The following ZNF737 variants were observed in gnomAD, a reference collection of about 807,000 sequenced individuals.
ZNF737 encodes the protein zinc finger protein 737.
Under a neutral mutation model 11.7 loss-of-function variants are expected in ZNF737, and 13 were observed. That is an observed-to-expected ratio of 1.11 (90% CI 0.73 to 1.77). The LOEUF (loss-of-function observed/expected upper bound fraction) is 1.77, where lower values mean the gene tolerates loss of function less well. Ranked by LOEUF, ZNF737 falls within the 40% of genes most tolerant of loss-of-function variation. The pLI is 0.00. For synonymous variants in ZNF737, 217 were observed against 216.2 expected (o/e 1.00, Z -0.03); for missense variants, 636 against 638.0 (o/e 1.00, Z 0.03).
At position 20,544,659 on chromosome 19, in the gene ZNF737, C is replaced by T. The variant is rs1555755921; in HGVS notation, c.1544G>A (p.Gly515Asp). 1 of 1,609,440 alleles carries T rather than the reference C, an allele frequency of 6.2e-7. No individual in the cohort carries two copies. Among genetic ancestry groups the T allele is most frequent in the Non-Finnish European group, 8.5e-7 (1 of 1,177,982 alleles). Residue 515 changes from glycine (G) to aspartate (D), a missense_variant, in exon 4 of 4, where the codon GGC becomes GAC. Physicochemically the swap from Gly to Asp is moderately conservative, Grantham distance 94. Coordinates refer to ENST00000427401, the MANE Select transcript of ZNF737 (RefSeq NM_001159293.2). ...GGTAGAGGGGCACTTAAAGCCTTTGCCACATTCTTCACATTTGTAGGGTTT... is the reference window on the plus strand; with the variant it reads ...GGTAGAGGGGCACTTAAAGCCTTTGTCACATTCTTCACATTTGTAGGGTTT... ...GEKPYKCEEC[G>D]KGFKCPSTLT...
chr19:20,548,969 A>AAAAAC lies in ZNF737; in HGVS notation c.227-2994_227-2993insGTTTT, dbSNP rs1368291334. ...TTTTTTTAAAGAAAAACTGAAAAAA[A>AAAAAC]AAAAAAAAAAACAATTATGTATCTT... On this transcript the variant is annotated intron_variant, in intron 3 of 3. Coordinates refer to ENST00000427401, the MANE Select transcript of ZNF737 (RefSeq NM_001159293.2). Among the ~76,000 whole-genome samples, 83 of 116,460 alleles carry AAAAAC rather than the reference A, an allele frequency of 7.1e-4. 3 individuals are homozygous for AAAAAC. The highest frequency in any genetic ancestry group is 2.6e-3 in the African/African-American group (80 of 30,336). 76.4% of individuals were successfully genotyped at this position (116,460 alleles called of 152,430 possible). A position where few individuals can be genotyped will look rare whatever the true frequency, so the allele number is the denominator to read the frequency against.
At position 20,539,633 on chromosome 19, in the gene ZNF737, C is replaced by A. The variant is rs1310170125; in HGVS notation, c.*4959G>T. ...CATATTAATGTGTTTACAGTTTAAT[C>A]TTGTATTACAGTATAGTAGAATCCT... On this transcript the variant is annotated 3_prime_UTR_variant, in exon 4 of 4. Transcript: ENST00000427401. 2 of 942,762 alleles carry A rather than the reference C, an allele frequency of 2.1e-6. No individual in the cohort carries two copies. Among genetic ancestry groups the A allele is most frequent in the African/African-American group, 3.6e-5 (2 of 56,192 alleles). 58.4% of individuals were successfully genotyped at this position (942,762 alleles called of 1,614,324 possible).
chr19:20,548,971 A>AG (rs1968560351), intron 3 of ZNF737, among the ~76,000 whole-genome samples: 1 of 118,058 alleles, frequency 8.5e-6, no homozygotes, highest in Admixed American at 9.0e-5. Flanking sequence ...TGAAAAAAAA[A>AG]AAAAAAAAAC....
At position 20,543,227 on chromosome 19, in the gene ZNF737, TAATAC is replaced by T; in HGVS notation, c.*1360_*1364del. 1.0e-6 allele frequency: 1 copy of T among 985,370 alleles called. No homozygotes were observed. Among genetic ancestry groups the T allele is most frequent in the Non-Finnish European group, 1.2e-6 (1 of 829,866 alleles). The allele number at this position is 985,370 out of a possible 1,614,324, so 61.0% of individuals were successfully genotyped here. A position where few individuals can be genotyped will look rare whatever the true frequency, so the allele number is the denominator to read the frequency against. On this transcript the variant is annotated 3_prime_UTR_variant, in exon 4 of 4. Coordinates refer to ENST00000427401, the MANE Select transcript of ZNF737 (RefSeq NM_001159293.2). ...GGGGAAAAAAAAGTGTTTCTAAACT[TAATAC>T]ATTTGTAGGACTCATCTCCAATATA...
chr19:20,541,337 T>C lies in ZNF737; in HGVS notation c.*3255A>G, dbSNP rs543722780. The C allele has an allele frequency of 6.1e-6, 6 of 983,224 alleles. No individual in the cohort carries two copies. The highest frequency in any genetic ancestry group is 5.2e-4 in the Middle Eastern group (1 of 1,908). The allele number at this position is 983,224 out of a possible 1,614,324, so 60.9% of individuals were successfully genotyped here. On this transcript the variant is annotated 3_prime_UTR_variant, in exon 4 of 4. Coordinates refer to ENST00000427401, the MANE Select transcript of ZNF737 (RefSeq NM_001159293.2). ...AGTAATATGTGTATATTTAACTCTA[T>C]GTAAATTAAAACTAAAAGTCTATGT...
chr19:20,565,347 G>GTCCC (rs1414825417), intron 1 of ZNF737, among the ~76,000 whole-genome samples: 1 of 152,196 alleles, frequency 6.6e-6, no homozygotes, highest in Non-Finnish European at 1.5e-5. Context: ...CCCTCTGGTG[G>GTCCC]TCCCTGCACA....
chr19:20,560,787 A>C (rs1453618820), intron 1 of ZNF737, among the ~76,000 whole-genome samples: 1 of 152,212 alleles, frequency 6.6e-6, no homozygotes, highest in Non-Finnish European at 1.5e-5. Context: ...TCTCCAAAAA[A>C]AAAGAAAGAA....
intron 1 of ZNF737, among the ~76,000 whole-genome samples, chr19:20,554,453 G>C (rs1555759932): frequency 6.6e-6 from 1 of 152,188 alleles, no homozygotes; most frequent in Non-Finnish European, 1.5e-5. Flanking sequence ...ACAACTGCCA[G>C]ATTAAATGTG....
At chr19:20,548,096 C>T (rs1314967524) in intron 3 of ZNF737, among the ~76,000 whole-genome samples, 1 of 151,884 alleles carries the variant, frequency 6.6e-6, no homozygotes, top group Non-Finnish European at 1.5e-5. Context: ...GAGCCGAAAT[C>T]GTGCCACTGT....
At chr19:20,561,332 C>A (rs1445619591) in intron 1 of ZNF737, among the ~76,000 whole-genome samples, 2 of 152,018 alleles carry the variant, frequency 1.3e-5, no homozygotes, top group Non-Finnish European at 2.9e-5. Flanking sequence ...TCAAAAACGC[C>A]GTGGTGAAGG....
chr19:20,541,439 T>C lies in ZNF737; in HGVS notation c.*3153A>G, dbSNP rs1175484847. ...TAATTTTTCAGGACTCAGAAATGTA[T>C]GGATTTTATTTTTATTTTATTTTTT... On this transcript the variant is annotated 3_prime_UTR_variant, in exon 4 of 4. Transcript: ENST00000427401. 1.0e-6 allele frequency: 1 copy of C among 968,564 alleles called. No individual in the cohort carries two copies. The allele number at this position is 968,564 out of a possible 1,614,324, so 60.0% of individuals were successfully genotyped here. A position where few individuals can be genotyped will look rare whatever the true frequency, so the allele number is the denominator to read the frequency against.
downstream of ZNF737, among the ~76,000 whole-genome samples, chr19:20,531,622 AT>A (rs1486567507): frequency 3.3e-5 from 5 of 149,362 alleles, no homozygotes; most frequent in African/African-American, 1.2e-4. Context: ...AGCCTGGCTA[AT>A]TTCTTGTATT....
chr19:20,533,044 C>T (rs1326306465), downstream of ZNF737, among the ~76,000 whole-genome samples: 2 of 150,036 alleles, frequency 1.3e-5, no homozygotes, highest in Non-Finnish European at 3.0e-5. Context: ...TAAGTATTCT[C>T]ATATTTAGGT....
At chr19:20,537,981 C>G, downstream of ZNF737, 2 of 876,974 alleles carry the variant, frequency 2.3e-6, no homozygotes, top group Non-Finnish European at 2.7e-6. Context: ...AAAAGCTTTT[C>G]TGAGGCAGAG....
intron 3 of ZNF737, among the ~76,000 whole-genome samples, chr19:20,548,980 A>AAAAAAAAAAC (rs1491170549): frequency 0.011 from 709 of 66,344 alleles, 18 homozygotes; most frequent in Middle Eastern, 0.015. Context: ...AAAAAAAAAA[A>AAAAAAAAAAC]CAATTATGTA....
intron 1 of ZNF737, among the ~76,000 whole-genome samples, chr19:20,560,238 T>C (rs1366138234): frequency 6.7e-6 from 1 of 149,734 alleles, no homozygotes; most frequent in Admixed American, 6.7e-5. Context: ...TCCAAGCTAC[T>C]TGGGAACATG....
At chr19:20,551,800 T>A (rs1343130041) in intron 3 of ZNF737, among the ~76,000 whole-genome samples, 1 of 151,454 alleles carries the variant, frequency 6.6e-6, no homozygotes, top group Admixed American at 6.6e-5. Flanking sequence ...ATTTTATGTC[T>A]AGGGATTGAA....
At chr19:20,552,234 T>C (rs576629987) in intron 3 of ZNF737, among the ~76,000 whole-genome samples, 1 of 151,798 alleles carries the variant, frequency 6.6e-6, no homozygotes, top group African/African-American at 2.4e-5. Context: ...GCTCTCACTG[T>C]GAACTTGAAG....
At chr19:20,532,178 G>C (rs1967846456), downstream of ZNF737, among the ~76,000 whole-genome samples, 1 of 149,948 alleles carries the variant, frequency 6.7e-6, no homozygotes, top group Non-Finnish European at 1.5e-5. Flanking sequence ...TTTGGGGCCT[G>C]TCTCGACAAA....
Sources: gnomAD v4.1 joint callset for allele counts (sites outside exome capture counted in the v4.1 genomes callset) on GRCh38, gnomAD v4.1.1 for gene constraint, MANE v1.5 for transcripts, NCBI Gene and HGNC (gene_info 2026-07-23, HGNC 2026-07-21) for gene names.